Variants in GIGYF2 observed in about 807,000 individuals in gnomAD.
The protein encoded by GIGYF2 is GRB10-interacting GYF protein 2.
Under a neutral mutation model 208.1 loss-of-function variants are expected in GIGYF2, and 25 were observed. The ratio of observed to expected loss-of-function variants is 0.12; its 90% CI spans 0.09 to 0.17. The LOEUF is 0.17. Ranked by LOEUF, GIGYF2 falls within the 10% of genes least tolerant of loss-of-function variation. The pLI is 1.00. For synonymous variants in GIGYF2, 534 were observed against 543.8 expected (o/e 0.98, Z 0.25); for missense variants, 1,302 against 1,579.4 (o/e 0.82, Z 2.98).
chr2:232,849,163 G>GA (rs1423164185), intron 27 of GIGYF2, among the ~76,000 whole-genome samples: 1 of 151,932 alleles, frequency 6.6e-6, no homozygotes, highest in Non-Finnish European at 1.5e-5. Flanking sequence ...GAAACACTAG[G>GA]AAAAACAAAT....
chr2:232,708,256 A>G (rs1292065900), intron 2 of GIGYF2, among the ~76,000 whole-genome samples: 2 of 152,152 alleles, frequency 1.3e-5, no homozygotes, highest in Non-Finnish European at 2.9e-5. Flanking sequence ...CTCCATGTCC[A>G]GTATTTGCAC....
At chr2:232,822,302 C>G (rs968733283) in intron 21 of GIGYF2, among the ~76,000 whole-genome samples, 1 of 152,086 alleles carries the variant, frequency 6.6e-6, no homozygotes, top group Non-Finnish European at 1.5e-5. Context: ...TTCTCAGTAC[C>G]ATTTTGTTTT....
intron 26 of GIGYF2, among the ~76,000 whole-genome samples, chr2:232,846,591 A>G (rs923628612): frequency 6.6e-6 from 1 of 152,234 alleles, no homozygotes; most frequent in Non-Finnish European, 1.5e-5. Flanking sequence ...CAGCAGTGTA[A>G]CAATATCTAA....
chr2:232,749,165 T>C, intron 5 of GIGYF2, 83 bp downstream of exon 5: 5 of 794,074 alleles, frequency 6.3e-6, no homozygotes, highest in African/African-American at 1.7e-5. Context: ...ATTTATGCTC[T>C]AAGGATTATC....
At chr2:232,825,010 G>A (rs1406356468) in intron 21 of GIGYF2, among the ~76,000 whole-genome samples, 1 of 152,144 alleles carries the variant, frequency 6.6e-6, no homozygotes, top group African/African-American at 2.4e-5. Flanking sequence ...TTACAGTGTG[G>A]TATATTGAAT....
chr2:232,780,696 T>C (rs1699683896), intron 8 of GIGYF2, among the ~76,000 whole-genome samples: 1 of 152,234 alleles, frequency 6.6e-6, no homozygotes, highest in Non-Finnish European at 1.5e-5. Flanking sequence ...TAAAATCATC[T>C]TGTTTGTAAA....
intron 14 of GIGYF2, among the ~76,000 whole-genome samples, chr2:232,797,981 C>CAAAAAAAAAAA (rs57991158): frequency 9.8e-6 from 1 of 102,388 alleles, no homozygotes; most frequent in African/African-American, 3.7e-5. Flanking sequence ...ACTGTGCCTC[C>CAAAAAAAAAAA]AAAAAAAAAA....
chr2:232,834,920 C>A (rs1177093512), intron 22 of GIGYF2, among the ~76,000 whole-genome samples: 1 of 152,020 alleles, frequency 6.6e-6, no homozygotes, highest in Non-Finnish European at 1.5e-5. Context: ...GTGGTGAAGT[C>A]CAGGCTTTTC....
At position 232,856,887 on chromosome 2, in the gene GIGYF2, TCTCCTGTCTGCCGA is replaced by T. The variant is rs1375203752; in HGVS notation, c.*30_*43del. On this transcript the variant is annotated 3_prime_UTR_variant, in exon 29 of 29. Transcript: ENST00000373563. Reference sequence around the variant, plus strand: ...CACCTGCCAGTGGACTGGCCATCCCTCTCCTGTCTGCCGACTATGGAGTCTCCACCTTTGGACAC... The same window carrying T: ...CACCTGCCAGTGGACTGGCCATCCCTCTATGGAGTCTCCACCTTTGGACAC... 6.6e-7 allele frequency: 1 copy of T among 1,523,652 alleles called. No individual in the cohort carries two copies. Among genetic ancestry groups the T allele is most frequent in the Non-Finnish European group, 9.1e-7 (1 of 1,097,420 alleles). 94.4% of individuals were successfully genotyped at this position (1,523,652 alleles called of 1,614,324 possible). A position where few individuals can be genotyped will look rare whatever the true frequency, so the allele number is the denominator to read the frequency against.
chr2:232,813,349 C>CTGGG (rs1464159663), intron 18 of GIGYF2, among the ~76,000 whole-genome samples: 3 of 106,906 alleles, frequency 2.8e-5, no homozygotes, highest in Non-Finnish European at 7.2e-5. Context: ...TCACACCTGA[C>CTGGG]TGGGTGTACG....
intron 11 of GIGYF2, 43 bp downstream of exon 11, chr2:232,791,213 A>G: frequency 6.2e-7 from 1 of 1,613,942 alleles, no homozygotes; most frequent in Non-Finnish European, 8.5e-7. Flanking sequence ...TCCTCCATCA[A>G]ACCAAAACTT....
chr2:232,714,212 A>G (rs369270368), intron 2 of GIGYF2, among the ~76,000 whole-genome samples: 1 of 152,030 alleles, frequency 6.6e-6, no homozygotes, highest in African/African-American at 2.4e-5. Context: ...CGGCCTCCCA[A>G]AGTGCTGGGA....
Position 232,756,993 on chromosome 2 carries a change from G to A in GIGYF2, c.379+659G>A, listed in dbSNP as rs1479681178. On this transcript the variant is annotated intron_variant, in intron 6 of 28. Coordinates refer to ENST00000373563, the MANE Select transcript of GIGYF2 (RefSeq NM_001103146.3). ...ATTTGCTTAATCATGTAGCTCTTAC[G>A]TTGACTAAATCATAACAGTGGTCTA... Among the ~76,000 whole-genome samples, 22 of 151,952 alleles carry A rather than the reference G, an allele frequency of 1.4e-4. 1 individual carries two copies. The highest frequency in any genetic ancestry group is 1.4e-3 in the Admixed American group (22 of 15,254).
At chr2:232,766,249 GT>G (rs1267654991) in intron 8 of GIGYF2, among the ~76,000 whole-genome samples, 6 of 152,030 alleles carry the variant, frequency 3.9e-5, no homozygotes, top group African/African-American at 1.2e-4. Context: ...TTTACCAATA[GT>G]TTTTTTTGGC....
At chr2:232,759,821 C>T (rs889031330) in intron 6 of GIGYF2, among the ~76,000 whole-genome samples, 1 of 152,120 alleles carries the variant, frequency 6.6e-6, no homozygotes, top group African/African-American at 2.4e-5. Context: ...CCAGTTTATG[C>T]TTGAACCACC....
chr2:232,844,668 A>AT, intron 25 of GIGYF2, 94 bp downstream of exon 25: 1 of 830,478 alleles, frequency 1.2e-6, no homozygotes. Flanking sequence ...AAAGGTAGTT[A>AT]TTGAGTTTTT....
At chr2:232,773,617 C>T (rs1161936394) in intron 8 of GIGYF2, among the ~76,000 whole-genome samples, 1 of 152,030 alleles carries the variant, frequency 6.6e-6, no homozygotes, top group Non-Finnish European at 1.5e-5. Flanking sequence ...TCTCAAGTAT[C>T]TGTATTAAAC....
chr2:232,776,026 ACTTT>A (rs1354367431), intron 8 of GIGYF2, among the ~76,000 whole-genome samples: 6 of 152,292 alleles, frequency 3.9e-5, no homozygotes, highest in Admixed American at 2.0e-4. Flanking sequence ...GATACTCATC[ACTTT>A]CTTCTTAGAT....
chr2:232,796,255 T>C (rs1700218699), intron 14 of GIGYF2, 34 bp downstream of exon 14: 2 of 1,330,586 alleles, frequency 1.5e-6, no homozygotes, highest in Non-Finnish European at 2.2e-6. Flanking sequence ...AATACTGAAG[T>C]GTGTGCCATT....
Sources: gnomAD v4.1 joint callset for allele counts (sites outside exome capture counted in the v4.1 genomes callset) on GRCh38, gnomAD v4.1.1 for gene constraint, MANE v1.5 for transcripts, NCBI Gene and HGNC (gene_info 2026-07-23, HGNC 2026-07-21) for gene names.